Variants in ST3GAL3 observed in about 807,000 individuals in gnomAD.
ST3GAL3 encodes the protein CMP-N-acetylneuraminate-beta-1,4-galactoside alpha-2,3-sialyltransferase.
A neutral mutation model predicts 50.1 loss-of-function variants in ST3GAL3; 21 were observed. The observed-to-expected ratio is 0.42, with a 90% CI of 0.30 to 0.60. The LOEUF (loss-of-function observed/expected upper bound fraction) is 0.60. Ranked by LOEUF, ST3GAL3 falls within the 20% of genes least tolerant of loss-of-function variation. ST3GAL3 has a pLI of 0.19. For missense variants in ST3GAL3, 353 were observed against 489.4 expected (o/e 0.72, Z 2.63); for synonymous variants, 183 against 190.0 (o/e 0.96, Z 0.30).
intron 5 of ST3GAL3, among the ~76,000 whole-genome samples, chr1:43,874,788 C>T (rs1446768600): frequency 6.6e-6 from 1 of 152,158 alleles, no homozygotes; most frequent in African/African-American, 2.4e-5. Context: ...TCACATATTT[C>T]AGTACCATGG....
At chr1:43,766,697 G>A (rs1198868996) in intron 2 of ST3GAL3, among the ~76,000 whole-genome samples, 1 of 152,026 alleles carries the variant, frequency 6.6e-6, no homozygotes, top group African/African-American at 2.4e-5. Flanking sequence ...AATGCAGCAG[G>A]GCCATTAAAG....
intron 6 of ST3GAL3, among the ~76,000 whole-genome samples, chr1:43,896,361 A>G (rs1172007783): frequency 6.6e-6 from 1 of 152,204 alleles, no homozygotes; most frequent in Non-Finnish European, 1.5e-5. Flanking sequence ...TTCTTTACAT[A>G]AAATATTTCA....
chr1:43,790,133 A>T (rs1032766585), intron 2 of ST3GAL3, among the ~76,000 whole-genome samples: 2 of 152,194 alleles, frequency 1.3e-5, no homozygotes, highest in Non-Finnish European at 2.9e-5. Flanking sequence ...TGAGAAAAAA[A>T]TATCGATGAA....
chr1:43,743,157 A>G (rs1571926261), intron 2 of ST3GAL3, among the ~76,000 whole-genome samples: 1 of 151,522 alleles, frequency 6.6e-6, no homozygotes, highest in Non-Finnish European at 1.5e-5. Flanking sequence ...TTAATTTCCC[A>G]TACTTACTCA....
intron 2 of ST3GAL3, chr1:43,771,894 G>A (rs897594133): frequency 7.5e-6 from 3 of 398,288 alleles, no homozygotes; most frequent in Non-Finnish European, 1.3e-5. Flanking sequence ...AAGATGGCCT[G>A]TTTCAAAGGT....
chr1:43,717,724 T>C (rs1254169792), intron 1 of ST3GAL3, among the ~76,000 whole-genome samples: 1 of 151,880 alleles, frequency 6.6e-6, no homozygotes, highest in Non-Finnish European at 1.5e-5. Context: ...CCCAGGCTGG[T>C]CTCAAACTCC....
intron 2 of ST3GAL3, among the ~76,000 whole-genome samples, chr1:43,762,798 G>C (rs950774607): frequency 6.6e-6 from 1 of 152,160 alleles, no homozygotes; most frequent in Non-Finnish European, 1.5e-5. Flanking sequence ...AAGAGTGGGT[G>C]AGACTGCTGG....
intron 2 of ST3GAL3, among the ~76,000 whole-genome samples, chr1:43,773,768 A>G (rs1472620760): frequency 6.6e-6 from 1 of 152,244 alleles, no homozygotes; most frequent in Non-Finnish European, 1.5e-5. Context: ...TTTAATAATT[A>G]ACTTACTAAT....
chr1:43,788,544 C>A (rs1374989000), intron 2 of ST3GAL3, among the ~76,000 whole-genome samples: 2 of 152,196 alleles, frequency 1.3e-5, no homozygotes, highest in Non-Finnish European at 2.9e-5. Context: ...CTTCACAGGA[C>A]AAGCACACTT....
At chr1:43,828,075 G>A (rs1191298326) in intron 4 of ST3GAL3, among the ~76,000 whole-genome samples, 2 of 152,078 alleles carry the variant, frequency 1.3e-5, no homozygotes, top group Non-Finnish European at 2.9e-5. Context: ...CAATAGAATA[G>A]GATAGAGATC....
At chr1:43,773,639 T>G (rs924859863) in intron 2 of ST3GAL3, among the ~76,000 whole-genome samples, 6 of 152,102 alleles carry the variant, frequency 3.9e-5, no homozygotes, top group Non-Finnish European at 7.4e-5. Context: ...AGGTGCAGAG[T>G]TTTTGATATT....
intron 2 of ST3GAL3, among the ~76,000 whole-genome samples, chr1:43,764,378 T>C (rs1283682029): frequency 6.6e-6 from 1 of 152,132 alleles, no homozygotes; most frequent in East Asian, 1.9e-4. Context: ...TTGGAAAATA[T>C]AGTATTTGGG....
At chr1:43,837,725 CT>C (rs1374459055) in intron 4 of ST3GAL3, among the ~76,000 whole-genome samples, 1 of 152,214 alleles carries the variant, frequency 6.6e-6, no homozygotes, top group Non-Finnish European at 1.5e-5. Context: ...AATCCCAACA[CT>C]TTGGGAGGCC....
At chr1:43,902,438 G>A (rs1013103022) in intron 9 of ST3GAL3, among the ~76,000 whole-genome samples, 5 of 152,228 alleles carry the variant, frequency 3.3e-5, no homozygotes, top group African/African-American at 1.2e-4. Context: ...GGAAAGGACA[G>A]CCAAACAACC....
At chr1:43,711,219 A>G (rs527737935) in intron 1 of ST3GAL3, among the ~76,000 whole-genome samples, 3 of 152,360 alleles carry the variant, frequency 2.0e-5, no homozygotes, top group Non-Finnish European at 4.4e-5. Context: ...CGTGTCCAGC[A>G]TGAGTGTACA....
At chr1:43,756,116 A>AAAAAAAAAAAG (rs763780680) in intron 2 of ST3GAL3, among the ~76,000 whole-genome samples, 58 of 136,868 alleles carry the variant, frequency 4.2e-4, no homozygotes, top group Non-Finnish European at 6.9e-4. Context: ...AAAAAAAAAA[A>AAAAAAAAAAAG]AAGAAGAAGA....
At chr1:43,753,138 G>T (rs1686797438) in intron 2 of ST3GAL3, among the ~76,000 whole-genome samples, 1 of 152,190 alleles carries the variant, frequency 6.6e-6, no homozygotes, top group Admixed American at 6.5e-5. Flanking sequence ...GGGACACCAT[G>T]TCCAATTCAA....
chr1:43,817,733 C>CT (rs1553351630), intron 4 of ST3GAL3, among the ~76,000 whole-genome samples: 10 of 112,970 alleles, frequency 8.9e-5, no homozygotes, highest in African/African-American at 3.2e-4. Context: ...CTCCTCCTCC[C>CT]CCTCCTCCTC....
intron 1 of ST3GAL3, among the ~76,000 whole-genome samples, chr1:43,715,574 TAAA>T (rs112767823): frequency 2.2e-5 from 3 of 138,460 alleles, no homozygotes; most frequent in Non-Finnish European, 1.6e-5. Context: ...AGACTCTGTC[TAAA>T]AAAAAAAAAA....
Sources: allele counts gnomAD v4.1 joint callset (sites outside exome capture counted in the v4.1 genomes callset), GRCh38; gene constraint gnomAD v4.1.1; transcripts MANE v1.5; gene names NCBI Gene and HGNC (gene_info 2026-07-23, HGNC 2026-07-21).